The following DAB1 variants were observed in gnomAD, a reference collection of about 807,000 sequenced individuals.
DAB1 encodes the protein DAB adaptor protein 1, also known as disabled homolog 1.
In DAB1, 15 loss-of-function variants were observed where a neutral mutation model predicts 64.6. That is an observed-to-expected ratio of 0.23 (90% CI 0.16 to 0.36). DAB1 has a LOEUF of 0.36. Among genes scored for constraint, DAB1 ranks in the 10% least tolerant of loss-of-function variants. DAB1 has a pLI of 1.00. For missense variants in DAB1, 596 were observed against 706.7 expected, an observed-to-expected ratio of 0.84 and a Z score of 1.78; for synonymous variants, 235 against 251.9, an observed-to-expected ratio of 0.93 and a Z score of 0.64.
At chr1:57,178,655 TG>T (rs1467994233) in intron 2 of DAB1, among the ~76,000 whole-genome samples, 3 of 152,058 alleles carry the variant, frequency 2.0e-5, no homozygotes, top group African/African-American at 7.2e-5. Context: ...GGAAGAGACA[TG>T]GGGAAAATCC....
At chr1:58,303,858 C>A (rs1662229032) in intron 4 of DAB1, among the ~76,000 whole-genome samples, 1 of 152,116 alleles carries the variant, frequency 6.6e-6, no homozygotes, top group Admixed American at 6.5e-5. Context: ...CAAATAATTA[C>A]CCCCCTAATT....
chr1:57,311,209 A>G (rs995176884), intron 1 of DAB1, among the ~76,000 whole-genome samples: 1 of 152,158 alleles, frequency 6.6e-6, no homozygotes, highest in African/African-American at 2.4e-5. Flanking sequence ...TTCTAATGAC[A>G]TAGTGGGCTA....
intron 5 of DAB1, among the ~76,000 whole-genome samples, chr1:57,964,497 T>A (rs748530369): frequency 2.6e-5 from 4 of 152,164 alleles, no homozygotes; most frequent in Non-Finnish European, 5.9e-5. Flanking sequence ...GTACGTAAGA[T>A]CAAGATTTGA....
chr1:58,008,244 G>A (rs1413893921), intron 5 of DAB1, among the ~76,000 whole-genome samples: 1 of 152,140 alleles, frequency 6.6e-6, no homozygotes, highest in African/African-American at 2.4e-5. Context: ...TTCAAATCCA[G>A]AACCACCACA....
chr1:58,074,556 ATATGTGTG>A (rs1649497438), intron 5 of DAB1: 1 of 61,442 alleles, frequency 1.6e-5, no homozygotes, highest in African/African-American at 6.6e-5. Flanking sequence ...ACACATATAT[ATATGTGTG>A]TATATATATA....
At chr1:57,905,303 G>A (rs1175517493) in intron 5 of DAB1, among the ~76,000 whole-genome samples, 5 of 151,896 alleles carry the variant, frequency 3.3e-5, no homozygotes, top group Admixed American at 1.3e-4. Context: ...AGCAGAGGGC[G>A]TTGGTGCAAG....
intron 5 of DAB1, among the ~76,000 whole-genome samples, chr1:57,927,942 GC>G: frequency 6.6e-6 from 1 of 151,884 alleles, no homozygotes; most frequent in Non-Finnish European, 1.5e-5. Context: ...AATCTCTATT[GC>G]CATCCACCAA....
At chr1:58,358,066 G>T (rs192746299) in intron 3 of DAB1, among the ~76,000 whole-genome samples, 34 of 152,234 alleles carry the variant, frequency 2.2e-4, no homozygotes, top group Admixed American at 2.1e-3. Flanking sequence ...GAACTGAAAG[G>T]CTCTGTTTAC....
intron 4 of DAB1, among the ~76,000 whole-genome samples, chr1:58,174,621 G>A (rs1018015074): frequency 2.0e-5 from 3 of 152,184 alleles, no homozygotes; most frequent in African/African-American, 7.2e-5. Flanking sequence ...AAGCCAGCTG[G>A]GCTTCTGGGT....
intron 4 of DAB1, among the ~76,000 whole-genome samples, chr1:58,172,378 A>G (rs763288041): frequency 1.3e-5 from 2 of 152,188 alleles, no homozygotes; most frequent in African/African-American, 2.4e-5. Context: ...TTAGCATCAG[A>G]GGCTATCAAA....
chr1:57,397,424 AT>A, intron 1 of DAB1, among the ~76,000 whole-genome samples: 1 of 152,194 alleles, frequency 6.6e-6, no homozygotes, highest in East Asian at 1.9e-4. Flanking sequence ...GAGATTATCT[AT>A]TTTTTTCTTC....
At position 57,062,874 on chromosome 1, in the gene DAB1, A is replaced by T. The variant is rs753335120; in HGVS notation, c.723+10T>A. 2.7e-5 allele frequency: 43 copies of T among 1,611,710 alleles called. No homozygotes were observed. The highest frequency in any genetic ancestry group is 3.5e-5 in the Non-Finnish European group (41 of 1,177,928). ...ACGGAAACCTGGCAGTGGAGAGGAG[A>T]TGTACTTACACTTACAGGTTGACTT... On this transcript the variant is annotated intron_variant, in intron 9 of 14. Transcript: ENST00000371236.
intron 5 of DAB1, among the ~76,000 whole-genome samples, chr1:58,065,346 T>C (rs533338981): frequency 6.6e-6 from 1 of 152,300 alleles, no homozygotes; most frequent in African/African-American, 2.4e-5. Context: ...TTGAGGAAGA[T>C]AAGAATCTTA....
At chr1:58,400,498 G>A (rs1456501742) in intron 3 of DAB1, among the ~76,000 whole-genome samples, 1 of 152,164 alleles carries the variant, frequency 6.6e-6, no homozygotes, top group Non-Finnish European at 1.5e-5. Flanking sequence ...TACTATTGAT[G>A]TGATCCTGGC....
intron 1 of DAB1, among the ~76,000 whole-genome samples, chr1:57,847,389 A>G (rs1207448288): frequency 6.6e-6 from 1 of 152,196 alleles, no homozygotes; most frequent in Non-Finnish European, 1.5e-5. Flanking sequence ...AAAAGACAGG[A>G]ATAAGACCAA....
intron 4 of DAB1, among the ~76,000 whole-genome samples, chr1:58,166,126 T>C (rs1477313875): frequency 6.6e-6 from 1 of 152,218 alleles, no homozygotes; most frequent in Admixed American, 6.5e-5. Flanking sequence ...TGACTATACA[T>C]CAAGCTAGAT....
rs901830359 is a variant in DAB1 at position 58,527,418 on chromosome 1, A to G, written n.33-83T>C. 3.0e-5 allele frequency: 22 copies of G among 731,490 alleles called. 1 individual carries two copies. The South Asian group carries it at 3.0e-4, about 10-fold the overall frequency. 45.3% of individuals were successfully genotyped at this position (731,490 alleles called of 1,614,324 possible). On this transcript the variant is annotated intron_variant and non_coding_transcript_variant, in intron 1 of 20. Transcript: ENST00000485760. ...TAACACAGAGAGATTTTTAAAAAAC[A>G]GTTTCATGGAGTATCTAGGATAAAA... is the stretch of plus-strand genomic sequence containing the variant.
intron 7 of DAB1, among the ~76,000 whole-genome samples, chr1:57,495,472 A>G (rs1402414910): frequency 6.6e-6 from 1 of 152,212 alleles, no homozygotes; most frequent in Non-Finnish European, 1.5e-5. Flanking sequence ...TTAACCGTCA[A>G]TCAAACTCAG....
chr1:58,372,394 ACC>A (rs1644272886), intron 3 of DAB1, among the ~76,000 whole-genome samples: 1 of 152,012 alleles, frequency 6.6e-6, no homozygotes, highest in Non-Finnish European at 1.5e-5. Flanking sequence ...CAACGTCTGT[ACC>A]CCCATTGTAT....
Sources: allele counts gnomAD v4.1 joint callset (sites outside exome capture counted in the v4.1 genomes callset), GRCh38; gene constraint gnomAD v4.1.1; transcripts MANE v1.5; gene names NCBI Gene and HGNC (gene_info 2026-07-23, HGNC 2026-07-21).